ZNF620: variants seen among roughly 807,000 people sequenced by gnomAD.
ZNF620 encodes zinc finger protein 620.
A neutral mutation model predicts 13.3 loss-of-function variants in ZNF620; 10 were observed. That is an observed-to-expected ratio of 0.75 (90% CI 0.46 to 1.28). The LOEUF (loss-of-function observed/expected upper bound fraction) is 1.28. Ranked by LOEUF, ZNF620 falls within the 50% of genes most tolerant of loss-of-function variation. The pLI is 0.00. For missense variants in ZNF620, 461 were observed against 500.2 expected, an observed-to-expected ratio of 0.92 and a Z score of 0.75; for synonymous variants, 166 against 177.6, an observed-to-expected ratio of 0.93 and a Z score of 0.52.
intron 3 of ZNF620, among the ~76,000 whole-genome samples, chr3:40,512,110 G>C (rs1698219244): frequency 6.6e-6 from 1 of 152,192 alleles, no homozygotes; most frequent in Admixed American, 6.5e-5. Context: ...CCTGGGAGGG[G>C]CTGTACCCAA....
intron 2 of ZNF620, among the ~76,000 whole-genome samples, chr3:40,510,917 T>C (rs1698175553): frequency 6.6e-6 from 1 of 152,038 alleles, no homozygotes; most frequent in African/African-American, 2.4e-5. Context: ...ACTTGGCGAA[T>C]TTTTGTATTT....
At position 40,515,941 on chromosome 3, in the gene ZNF620, T is replaced by TG; in HGVS notation, c.353dup (p.Leu119ProfsTer10). On this transcript the variant is annotated frameshift_variant, in exon 5 of 5. Coordinates refer to ENST00000314529, the MANE Select transcript of ZNF620 (RefSeq NM_175888.4). LOFTEE classifies it low-confidence loss of function (END_TRUNC). ...GAAACAGAGTCCTTCAGACTGATGG[T>TG]GGGGGGCCTGCCAGGGAATGTTTCC... is the stretch of plus-strand genomic sequence containing the variant. The TG allele has an allele frequency of 6.2e-7, 1 of 1,613,994 alleles. No individual in the cohort carries two copies.
intron 2 of ZNF620, among the ~76,000 whole-genome samples, chr3:40,510,758 C>T (rs536438133): frequency 6.6e-6 from 1 of 151,804 alleles, no homozygotes; most frequent in African/African-American, 2.4e-5. Flanking sequence ...CTCTCTCTCT[C>T]TTTTTTTTGA....
At chr3:40,506,435 C>T in intron 2 of ZNF620, 59 bp downstream of exon 2, 1 of 1,259,946 alleles carries the variant, frequency 7.9e-7, no homozygotes. Flanking sequence ...GAGCAGGTGT[C>T]ACCTCTGCAT....
In ZNF620 at chr3:40,515,158, G is replaced by A. The variant is rs147287306; in HGVS notation, c.266-702G>A. On this transcript the variant is annotated intron_variant, in intron 4 of 4. Transcript: ENST00000314529. ...CCTTTTAGGAAAAATGGCAAGCATCGTTACCAGGCCCTCTTTGGGACTTAC... is the reference window on the plus strand; with the variant it reads ...CCTTTTAGGAAAAATGGCAAGCATCATTACCAGGCCCTCTTTGGGACTTAC... 3.7e-3 allele frequency among the ~76,000 whole-genome samples: 563 copies of A among 152,288 alleles called. 1 individual carries two copies. Among genetic ancestry groups the A allele is most frequent in the Non-Finnish European group, 5.1e-3 (349 of 68,028 alleles).
Position 40,517,078 on chromosome 3 carries a change from G to T in ZNF620, c.*215G>T. 1 of 451,876 alleles carries T rather than the reference G, an allele frequency of 2.2e-6. No homozygotes were observed. Among genetic ancestry groups the T allele is most frequent in the Non-Finnish European group, 3.7e-6 (1 of 266,982 alleles). The allele number at this position is 451,876 out of a possible 1,614,324, so 28.0% of individuals were successfully genotyped here. On this transcript the variant is annotated 3_prime_UTR_variant, in exon 5 of 5. Transcript: ENST00000314529. ...CAAACTTAGAAACATAAAAGGAAAT[G>T]TAAGTTTCCAGATTTAAAGGACATG... is the stretch of plus-strand genomic sequence containing the variant.
chr3:40,512,571 A>C, intron 4 of ZNF620, 56 bp downstream of exon 4: 1 of 1,261,698 alleles, frequency 7.9e-7, no homozygotes, highest in Non-Finnish European at 1.1e-6. Flanking sequence ...TCTTGTTTTC[A>C]CATTTCATTG....
At chr3:40,506,408 C>CCTTTTT in intron 2 of ZNF620, 32 bp downstream of exon 2, 1 of 1,608,282 alleles carries the variant, frequency 6.2e-7, no homozygotes, top group Non-Finnish European at 8.5e-7. Flanking sequence ...CCCTCCCACC[C>CCTTTTT]TTTAGATGTC....
chr3:40,511,291 G>T (rs767336018), intron 2 of ZNF620, among the ~76,000 whole-genome samples, 179 bp from the exon 3 acceptor site: 19 of 152,218 alleles, frequency 1.2e-4, no homozygotes, highest in African/African-American at 4.6e-4. Flanking sequence ...CCACAAAGGG[G>T]TGCAATGACC....
chr3:40,506,287 C>A lies in ZNF620; in HGVS notation c.-49-17C>A. The A allele has an allele frequency of 6.2e-7, 1 of 1,608,820 alleles. No homozygotes were observed. The highest frequency in any genetic ancestry group is 1.1e-5 in the South Asian group (1 of 90,274). On this transcript the variant is annotated splice_polypyrimidine_tract_variant and intron_variant, in intron 1 of 4. Coordinates refer to ENST00000314529, the MANE Select transcript of ZNF620 (RefSeq NM_175888.4). ...GGCAGCATCAATCTCACCGGTGCTTCTTTATTTTCTCTTCAGTTTCACTTC... is the reference window on the plus strand; with the variant it reads ...GGCAGCATCAATCTCACCGGTGCTTATTTATTTTCTCTTCAGTTTCACTTC...
rs777615199 is a variant in ZNF620 at position 40,506,326 on chromosome 3, G to A, written c.-27G>A. 1.1e-5 allele frequency: 18 copies of A among 1,613,950 alleles called. No homozygotes were observed. The highest frequency in any genetic ancestry group is 1.6e-4 in the Middle Eastern group (1 of 6,084). ...CAGTTTCACTTCTCCGAACCCTGAG[G>A]CAGTGTGTGAAGCTGGGACGCCAGC... On this transcript the variant is annotated 5_prime_UTR_variant, in exon 2 of 5. Transcript: ENST00000314529.
chr3:40,513,316 A>AAAAAAAT (rs1193351404), intron 4 of ZNF620, among the ~76,000 whole-genome samples: 55 of 62,630 alleles, frequency 8.8e-4, no homozygotes, highest in African/African-American at 4.5e-3. Flanking sequence ...AAAAAAAAAA[A>AAAAAAAT]ATATATATAT....
Position 40,516,142 on chromosome 3 carries a change from T to A in ZNF620, c.548T>A (p.Leu183His), listed in dbSNP as rs1698375244. 6.2e-7 allele frequency: 1 copy of A among 1,613,940 alleles called. No homozygotes were observed. Among genetic ancestry groups the A allele is most frequent in the African/African-American group, 1.3e-5 (1 of 74,924 alleles). Residue 183 changes from leucine to histidine, a missense_variant, in exon 5 of 5, where the codon CTC becomes CAC. Physicochemically the swap from Leu to His is moderately conservative, Grantham distance 99. Transcript: ENST00000314529. ...AAAAATATTAGCGTCAGCACACAACTCACTACAAATCAGACAAATCCTAGT... is the reference window on the plus strand; with the variant it reads ...AAAAATATTAGCGTCAGCACACAACACACTACAAATCAGACAAATCCTAGT... ...LGKNISVSTQ[L>H]TTNQTNPSGQ...
At position 40,509,583 on chromosome 3, in the gene ZNF620, G is replaced by A. The variant is rs574860569; in HGVS notation, c.25-1887G>A. On this transcript the variant is annotated intron_variant, in intron 2 of 4. Coordinates refer to ENST00000314529, the MANE Select transcript of ZNF620 (RefSeq NM_175888.4). ...TAATGGTGTGTAAATATCAGGCATC[G>A]TTCTTTTCAGTCTTTCCAAATGATC... 4.6e-5 allele frequency among the ~76,000 whole-genome samples: 7 copies of A among 152,152 alleles called. No individual in the cohort carries two copies. The South Asian group carries it at 8.3e-4, about 18-fold the overall frequency.
At chr3:40,515,743 A>T in intron 4 of ZNF620, 117 bp from the exon 5 acceptor site, 2 of 1,329,580 alleles carry the variant, frequency 1.5e-6, no homozygotes, top group Non-Finnish European at 2.1e-6. Context: ...AGGGCAAATT[A>T]GAACCACTTG....
chr3:40,514,901 C>A (rs1698323732), intron 4 of ZNF620, among the ~76,000 whole-genome samples: 1 of 152,186 alleles, frequency 6.6e-6, no homozygotes, highest in Non-Finnish European at 1.5e-5. Flanking sequence ...ACCCCCAAGT[C>A]TTGAGTTTAA....
intron 2 of ZNF620, among the ~76,000 whole-genome samples, chr3:40,511,089 G>T (rs900322989): frequency 2.0e-5 from 3 of 152,136 alleles, no homozygotes; most frequent in Admixed American, 2.0e-4. Context: ...TCACTTTAAT[G>T]GGGTTAGGGA....
rs141328694 is a variant in ZNF620, at chr3:40,515,972, C to T, written c.378C>T (p.His126=). ...GCCTGCCAGGGAATGTTTCCCAGCA[C>T]CTTGACTTTGGGAGCAGCCTAGAGC... ...VGGLPGNVSQ[H]LDFGSSLEQP... Residue 126 remains histidine (H), a synonymous_variant, in exon 5 of 5, where the codon CAC becomes CAT. Coordinates refer to ENST00000314529, the MANE Select transcript of ZNF620 (RefSeq NM_175888.4). The T allele has an allele frequency of 3.1e-6, 5 of 1,614,014 alleles. No individual in the cohort carries two copies. The highest frequency in any genetic ancestry group is 2.7e-5 in the African/African-American group (2 of 74,898).
At position 40,517,759 on chromosome 3, in the gene ZNF620, A is replaced by C. The variant is rs910325983; in HGVS notation, c.*896A>C. ...TCCTTTCTCATATGTGCAACACTACACAAGGAGTAAACCAGTAAATAAAAA... is the reference window on the plus strand; with the variant it reads ...TCCTTTCTCATATGTGCAACACTACCCAAGGAGTAAACCAGTAAATAAAAA... On this transcript the variant is annotated 3_prime_UTR_variant, in exon 5 of 5. Coordinates refer to ENST00000314529, the MANE Select transcript of ZNF620 (RefSeq NM_175888.4). 2.6e-5 allele frequency: 4 copies of C among 152,186 alleles called. No homozygotes were observed. Among genetic ancestry groups the C allele is most frequent in the African/African-American group, 9.7e-5 (4 of 41,446 alleles). The allele number at this position is 152,186 out of a possible 1,614,324, so 9.4% of individuals were successfully genotyped here.
Sources: allele counts gnomAD v4.1 joint callset (sites outside exome capture counted in the v4.1 genomes callset), GRCh38; gene constraint gnomAD v4.1.1; transcripts MANE v1.5; gene names NCBI Gene and HGNC (gene_info 2026-07-23, HGNC 2026-07-21).